The following FARP2 variants were observed in gnomAD, a reference collection of about 807,000 sequenced individuals.
FARP2 encodes the protein FERM, ARH/RhoGEF and pleckstrin domain protein 2, also known as FERM, ARHGEF and pleckstrin domain-containing protein 2.
Under a neutral mutation model 130.5 loss-of-function variants are expected in FARP2, and 111 were observed. That is an observed-to-expected ratio of 0.85 (90% CI 0.73 to 1.00). The LOEUF (loss-of-function observed/expected upper bound fraction) is 1.00. Among genes scored for constraint, FARP2 ranks in the 50% least tolerant of loss-of-function variants. The pLI is 0.00. For missense variants in FARP2, 1,385 were observed against 1,346.3 expected (o/e 1.03, Z -0.45); for synonymous variants, 504 against 516.9 (o/e 0.98, Z 0.34).
At chr2:241,492,463 C>G (rs550743022) in intron 24 of FARP2, among the ~76,000 whole-genome samples, 252 of 152,300 alleles carry the variant, frequency 1.7e-3, no homozygotes, top group Non-Finnish European at 3.0e-3. Context: ...GCCCCATGAG[C>G]CCAGCCACTC....
intron 13 of FARP2, chr2:241,447,096 A>G (rs944330987): frequency 2.0e-5 from 3 of 152,234 alleles, no homozygotes; most frequent in Admixed American, 1.3e-4. Context: ...GTACTAATTT[A>G]GATTTTTTTA....
intron 4 of FARP2, among the ~76,000 whole-genome samples, chr2:241,406,799 T>TTTTATTTA (rs553158167): frequency 1.3e-5 from 2 of 150,544 alleles, no homozygotes; most frequent in African/African-American, 4.9e-5. Flanking sequence ...TCCTACTTGT[T>TTTTATTTA]TTTATTTATT....
chr2:241,478,929 A>G, intron 19 of FARP2: 1 of 409,246 alleles, frequency 2.4e-6, no homozygotes. Context: ...AACACCCCAT[A>G]CAGTATGGCC....
intron 8 of FARP2, 146 bp downstream of exon 8, chr2:241,418,255 A>G (rs1463764621): frequency 1.4e-5 from 11 of 783,110 alleles, no homozygotes; most frequent in Non-Finnish European, 2.3e-5. Context: ...ATATCATCCA[A>G]TCCAACCTCT....
chr2:241,391,670 C>G (rs990696460), intron 2 of FARP2, among the ~76,000 whole-genome samples: 1 of 152,198 alleles, frequency 6.6e-6, no homozygotes, highest in Non-Finnish European at 1.5e-5. Flanking sequence ...CATTTAATGA[C>G]TCTTCTTCCA....
At chr2:241,382,938 G>T (rs2061696011) in intron 2 of FARP2, among the ~76,000 whole-genome samples, 1 of 152,164 alleles carries the variant, frequency 6.6e-6, no homozygotes, top group Admixed American at 6.5e-5. Context: ...TAACTTAAGA[G>T]TTGGGAAGAT....
At chr2:241,414,023 G>T (rs1408502716) in intron 7 of FARP2, among the ~76,000 whole-genome samples, 2 of 152,048 alleles carry the variant, frequency 1.3e-5, no homozygotes, top group Non-Finnish European at 2.9e-5. Flanking sequence ...TGGCTATTGG[G>T]GGGGTGTCAG....
intron 2 of FARP2, among the ~76,000 whole-genome samples, chr2:241,381,350 T>C (rs1406604813): frequency 6.6e-6 from 1 of 152,108 alleles, no homozygotes; most frequent in Non-Finnish European, 1.5e-5. Flanking sequence ...CTCAAGGTGC[T>C]CTAGGCAGGA....
intron 2 of FARP2, among the ~76,000 whole-genome samples, chr2:241,384,775 A>G (rs1015789121): frequency 6.6e-6 from 1 of 152,244 alleles, no homozygotes; most frequent in Non-Finnish European, 1.5e-5. Context: ...AAGACAACTC[A>G]AACATGGCTT....
intron 8 of FARP2, among the ~76,000 whole-genome samples, chr2:241,425,741 CTTT>C (rs34033002): frequency 0.01 from 1,153 of 111,216 alleles, 19 homozygotes; most frequent in African/African-American, 0.036. Context: ...CTCTCTCTCT[CTTT>C]TTTTTTTTTT....
chr2:241,469,125 C>T (rs769876268), intron 18 of FARP2, among the ~76,000 whole-genome samples: 1 of 149,908 alleles, frequency 6.7e-6, no homozygotes, highest in African/African-American at 2.5e-5. Flanking sequence ...TCATTCTTGT[C>T]GCCCAGGCTG....
intron 13 of FARP2, among the ~76,000 whole-genome samples, chr2:241,452,109 CAG>C (rs1435089085): frequency 9.2e-5 from 14 of 152,184 alleles, no homozygotes; most frequent in Non-Finnish European, 5.9e-5. Context: ...TTTTCTAAGA[CAG>C]AGGAGCACTA....
chr2:241,448,961 T>G (rs548266575), intron 13 of FARP2, among the ~76,000 whole-genome samples: 4 of 152,316 alleles, frequency 2.6e-5, no homozygotes, highest in African/African-American at 9.6e-5. Flanking sequence ...GAATGCACAG[T>G]AAGAGATGAA....
At chr2:241,395,270 G>A (rs866709280) in intron 2 of FARP2, among the ~76,000 whole-genome samples, 1 of 152,262 alleles carries the variant, frequency 6.6e-6, no homozygotes, top group Middle Eastern at 3.4e-3. Flanking sequence ...CTGACCCTTG[G>A]CTTAATGGCT....
At chr2:241,369,240 C>A (rs1235397184) in intron 1 of FARP2, among the ~76,000 whole-genome samples, 1 of 151,962 alleles carries the variant, frequency 6.6e-6, no homozygotes, top group Non-Finnish European at 1.5e-5. Flanking sequence ...GTCATGTTCT[C>A]GTGGAAGAGG....
Position 241,493,463 on chromosome 2 carries a change from G to A in FARP2, c.3047+19G>A. On this transcript the variant is annotated intron_variant, in intron 26 of 26. Transcript: ENST00000264042. ...TTGAAAGGTAATTTTGCAGGAGGCA[G>A]CCCTGGTCAGCTGCCCATTTCGATG... 3.1e-6 allele frequency: 5 copies of A among 1,612,228 alleles called. No homozygotes were observed. The highest frequency in any genetic ancestry group is 2.2e-5 in the South Asian group (2 of 91,050).
intron 2 of FARP2, among the ~76,000 whole-genome samples, chr2:241,397,990 C>T (rs1241594024): frequency 2.6e-5 from 4 of 151,360 alleles, no homozygotes; most frequent in Non-Finnish European, 5.9e-5. Flanking sequence ...CCACCATGCC[C>T]GGCTAATTTT....
At chr2:241,483,825 T>C in intron 20 of FARP2, 1 of 985,468 alleles carries the variant, frequency 1.0e-6, no homozygotes, top group South Asian at 4.7e-5. Flanking sequence ...AAAGTCCACA[T>C]ACATGTGGCT....
intron 2 of FARP2, among the ~76,000 whole-genome samples, chr2:241,389,048 A>G (rs1395509575): frequency 1.3e-5 from 2 of 152,124 alleles, no homozygotes; most frequent in Non-Finnish European, 2.9e-5. Context: ...TGGGATGCCA[A>G]GGTGGGCGGA....
Sources: allele counts gnomAD v4.1 joint callset (sites outside exome capture counted in the v4.1 genomes callset), GRCh38; gene constraint gnomAD v4.1.1; transcripts MANE v1.5; gene names NCBI Gene and HGNC (gene_info 2026-07-23, HGNC 2026-07-21).